The following CFAP251 variants were observed in gnomAD, a reference collection of about 807,000 sequenced individuals.
The protein encoded by CFAP251 is cilia and flagella associated protein 251, also known as cilia- and flagella-associated protein 251.
A neutral mutation model predicts 126.7 loss-of-function variants in CFAP251; 93 were observed. The ratio of observed to expected loss-of-function variants is 0.73; its 90% CI spans 0.62 to 0.87. CFAP251 has a LOEUF of 0.87. Among genes scored for constraint, CFAP251 ranks in the 40% least tolerant of loss-of-function variants. The pLI is 0.00. For synonymous variants in CFAP251, 503 were observed against 506.9 expected (o/e 0.99, Z 0.10); for missense variants, 1,287 against 1,389.2 (o/e 0.93, Z 1.17).
At chr12:121,964,069 C>T (rs1170733875) in intron 15 of CFAP251, among the ~76,000 whole-genome samples, 2 of 152,144 alleles carry the variant, frequency 1.3e-5, no homozygotes, top group African/African-American at 4.8e-5. Flanking sequence ...GCAGCTGGCT[C>T]AGGCTTGAAG....
chr12:121,983,705 G>A (rs1001164285), intron 19 of CFAP251, among the ~76,000 whole-genome samples: 2 of 151,496 alleles, frequency 1.3e-5, no homozygotes, highest in East Asian at 1.9e-4. Context: ...TGAGGGCCCC[G>A]CTCACCCTTG....
chr12:121,921,792 CTT>C (rs3040015), intron 2 of CFAP251, 109 bp downstream of exon 2: 1,764 of 792,482 alleles, frequency 2.2e-3, no homozygotes, highest in South Asian at 5.1e-3. Context: ...CAATCCATTC[CTT>C]TTTTTTTTTT....
At position 121,935,752 on chromosome 12, in the gene CFAP251, G is replaced by A. The variant is rs74634551; in HGVS notation, c.998+1396G>A. The stretch of plus-strand genomic sequence containing the variant: ...AGCGTCAGATAAACCAGTCCAGGTG[G>A]TGAGGGGAGGTTGACAGCCCACGGA... On this transcript the variant is annotated intron_variant, in intron 5 of 21. Transcript: ENST00000288912. Among the ~76,000 whole-genome samples the A allele has an allele frequency of 3.9e-5, 6 of 152,324 alleles. No homozygotes were observed. The East Asian group carries it at 1.2e-3, about 29-fold the overall frequency.
At chr12:121,924,017 C>T (rs1176743257) in intron 3 of CFAP251, 27 bp downstream of exon 3, 1 of 1,446,258 alleles carries the variant, frequency 6.9e-7, no homozygotes, top group Non-Finnish European at 9.0e-7. Context: ...TAAATCTCCC[C>T]CAGTGCTTTT....
chr12:121,977,334 C>A (rs1277355369), intron 19 of CFAP251, among the ~76,000 whole-genome samples: 1 of 152,310 alleles, frequency 6.6e-6, no homozygotes, highest in East Asian at 1.9e-4. Flanking sequence ...TTATTAAGTG[C>A]AGTGTGACTG....
chr12:121,939,406 T>G (rs1373082264), intron 5 of CFAP251, among the ~76,000 whole-genome samples: 4 of 152,130 alleles, frequency 2.6e-5, no homozygotes, highest in East Asian at 1.9e-4. Context: ...AAGGGTATTA[T>G]CTCATGCAGT....
At chr12:121,925,990 A>G (rs999362122) in intron 3 of CFAP251, among the ~76,000 whole-genome samples, 1 of 149,148 alleles carries the variant, frequency 6.7e-6, no homozygotes, top group East Asian at 2.0e-4. Flanking sequence ...GACTACAGGC[A>G]TGCACCACCA....
At chr12:121,971,457 T>C in intron 17 of CFAP251, 1 of 692,422 alleles carries the variant, frequency 1.4e-6, no homozygotes. Flanking sequence ...CTGATACCCA[T>C]TTCCATGGCC....
rs766644694 is a variant in CFAP251, at chr12:121,968,033, G to A, written c.2635G>A (p.Gly879Ser). The change falls in exon 17 of 22, where the codon GGC (glycine) becomes AGC (serine). Residue 879 changes from glycine (G) to serine (S), a missense_variant. By Grantham distance (56) the Gly-to-Ser change is moderately conservative. Transcript: ENST00000288912. Reference sequence around the variant, plus strand: ...GGGACTTCAGATCTTACCAGTTGACGGCAATCCACATAAGACATCTGCTAT... The same window carrying A: ...GGGACTTCAGATCTTACCAGTTGACAGCAATCCACATAAGACATCTGCTAT... ...KVGLQILPVD[G>S]NPHKTSAIVC... is the part of the protein sequence containing the mutation. 1.8e-5 allele frequency: 29 copies of A among 1,609,882 alleles called. No individual in the cohort carries two copies. The highest frequency in any genetic ancestry group is 2.3e-5 in the Non-Finnish European group (27 of 1,176,796).
chr12:121,965,002 C>T (rs1446888174), intron 15 of CFAP251, among the ~76,000 whole-genome samples: 5 of 152,200 alleles, frequency 3.3e-5, no homozygotes, highest in African/African-American at 2.4e-5. Flanking sequence ...AGAGCATTTC[C>T]ATCATTCCAG....
At position 121,921,614 on chromosome 12, in the gene CFAP251, C is replaced by T; in HGVS notation, c.309C>T (p.Val103=). The part of the protein sequence containing the change: ...QEETTVEPQE[V]TASMIRLETQ... ...AAACCACAGTAGAGCCCCAAGAAGT[C>T]ACAGCGTCCATGATCCGTTTGGAGA... Residue 103 remains valine, a synonymous_variant, in exon 2 of 22, where the codon GTC becomes GTT. Coordinates refer to ENST00000288912, the MANE Select transcript of CFAP251 (RefSeq NM_144668.6). The T allele has an allele frequency of 6.2e-7, 1 of 1,614,154 alleles. No individual in the cohort carries two copies. The highest frequency in any genetic ancestry group is 8.5e-7 in the Non-Finnish European group (1 of 1,180,032).
At chr12:121,922,821 G>C (rs748125063) in intron 2 of CFAP251, among the ~76,000 whole-genome samples, 1 of 151,974 alleles carries the variant, frequency 6.6e-6, no homozygotes, top group South Asian at 2.1e-4. Flanking sequence ...ACGGAGTCTC[G>C]CTCTGTCGCC....
intron 19 of CFAP251, among the ~76,000 whole-genome samples, chr12:121,988,860 C>T (rs771465264): frequency 1.1e-4 from 16 of 151,642 alleles, no homozygotes; most frequent in Non-Finnish European, 2.2e-4. Flanking sequence ...CTCAGCCTCC[C>T]GAGTACCTGG....
intron 19 of CFAP251, among the ~76,000 whole-genome samples, chr12:121,985,107 A>T (rs910196553): frequency 9.2e-5 from 14 of 152,266 alleles, no homozygotes; most frequent in Non-Finnish European, 1.6e-4. Context: ...TGATATATTC[A>T]GGAGCTTGGG....
At chr12:121,950,746 CG>C (rs1449187319) in intron 8 of CFAP251, 1 of 151,260 alleles carries the variant, frequency 6.6e-6, no homozygotes, top group Admixed American at 6.6e-5. Context: ...TTAGTAGAGA[CG>C]GGGTTTCTCC....
At chr12:121,946,593 T>G (rs1881335654) in intron 7 of CFAP251, among the ~76,000 whole-genome samples, 2 of 152,138 alleles carry the variant, frequency 1.3e-5, no homozygotes, top group Admixed American at 1.3e-4. Context: ...GGTTTTTGTT[T>G]TGTTTTGTTT....
In CFAP251 at chr12:121,921,291, ACT is replaced by A. The variant is rs777420541; in HGVS notation, c.-12_-11del. 2.6e-6 allele frequency: 4 copies of A among 1,559,018 alleles called. No individual in the cohort carries two copies. In the South Asian group the frequency reaches 3.8e-5, roughly 15 times the overall value. On this transcript the variant is annotated 5_prime_UTR_variant, in exon 2 of 22. Transcript: ENST00000288912. The stretch of plus-strand genomic sequence containing the variant: ...TATGGTCAAAATCTCTCTAGAGGAA[ACT>A]CTACAGAGAAGAATGTCAGATGCAG...
chr12:122,001,650 GT>G (rs768974734), intron 21 of CFAP251, 52 bp downstream of exon 21: 1 of 1,353,836 alleles, frequency 7.4e-7, no homozygotes, highest in Non-Finnish European at 1.1e-6. Flanking sequence ...CTGATTTGTT[GT>G]AGACTTCAGT....
intron 12 of CFAP251, 47 bp downstream of exon 12, chr12:121,958,569 T>G: frequency 6.2e-7 from 1 of 1,606,606 alleles, no homozygotes; most frequent in Non-Finnish European, 8.5e-7. Context: ...TGGACAGCCC[T>G]GAAAGGGATG....
Sources: gnomAD v4.1 joint callset for allele counts (sites outside exome capture counted in the v4.1 genomes callset) on GRCh38, gnomAD v4.1.1 for gene constraint, MANE v1.5 for transcripts, NCBI Gene and HGNC (gene_info 2026-07-23, HGNC 2026-07-21) for gene names.